KCNQ1OT1: variants seen among roughly 807,000 people sequenced by gnomAD.
KCNQ1OT1 encodes the protein KCNQ1 opposite strand/antisense transcript 1.
At chr11:2,656,235 G>C in exon 1 of KCNQ1OT1, 1 of 398,598 alleles carries the variant, frequency 2.5e-6, no homozygotes, top group East Asian at 3.6e-5. Context: ...TCTGTCACTT[G>C]ACAACTGCAT....
rs564822980 is a variant in KCNQ1OT1 at position 2,663,054 on chromosome 11, G to C, written n.36941C>G. 1.3e-3 allele frequency: 500 copies of C among 398,764 alleles called. 1 individual carries two copies. Among genetic ancestry groups the C allele is most frequent in the Non-Finnish European group, 1.9e-3 (433 of 226,166 alleles). 24.7% of individuals were successfully genotyped at this position (398,764 alleles called of 1,614,324 possible). A position where few individuals can be genotyped will look rare whatever the true frequency, so the allele number is the denominator to read the frequency against. On this transcript the variant is annotated non_coding_transcript_exon_variant, in exon 1 of 1. Coordinates refer to ENST00000597346, the Ensembl canonical transcript of KCNQ1OT1. This position sits in a 1 kb window ranked among gnomAD's most constrained non-coding sequence, Gnocchi z 5.2. ...GCTGGGGGCTGCAGGTGTAACCAGAGAACTGGCAGGGTTGGGTAGCCAGAA... is the reference window on the plus strand; with the variant it reads ...GCTGGGGGCTGCAGGTGTAACCAGACAACTGGCAGGGTTGGGTAGCCAGAA...
Position 2,658,694 on chromosome 11 carries a change from G to A in KCNQ1OT1, n.41301C>T, listed in dbSNP as rs1293955015. On this transcript the variant is annotated non_coding_transcript_exon_variant, in exon 1 of 1. Transcript: ENST00000597346. The surrounding 1 kb of genome is among the most constrained non-coding windows in gnomAD (Gnocchi z 4.9). ...CAGTGGACAGAGCTAGGAAATATAT[G>A]TATGTATGTAACCTGAGTACACATA... 2 of 398,328 alleles carry A rather than the reference G, an allele frequency of 5.0e-6. No homozygotes were observed. Among genetic ancestry groups the A allele is most frequent in the Non-Finnish European group, 4.4e-6 (1 of 226,030 alleles). The allele number at this position is 398,328 out of a possible 1,614,324, so 24.7% of individuals were successfully genotyped here.
In KCNQ1OT1 at chr11:2,652,970, T is replaced by C. The variant is rs1849780311; in HGVS notation, n.47025A>G. 2.5e-6 allele frequency: 1 copy of C among 398,550 alleles called. No homozygotes were observed. The highest frequency in any genetic ancestry group is 4.4e-6 in the Non-Finnish European group (1 of 226,088). 24.7% of individuals were successfully genotyped at this position (398,550 alleles called of 1,614,324 possible). A position where few individuals can be genotyped will look rare whatever the true frequency, so the allele number is the denominator to read the frequency against. On this transcript the variant is annotated non_coding_transcript_exon_variant, in exon 1 of 1. Transcript: ENST00000597346. The surrounding 1 kb of genome is among the most constrained non-coding windows in gnomAD (Gnocchi z 5.9). ...GGACTTCTCAGGATTCCGGAAGTCATCTTTGACTGTGTCACATCACTGTCA... is the reference window on the plus strand; with the variant it reads ...GGACTTCTCAGGATTCCGGAAGTCACCTTTGACTGTGTCACATCACTGTCA...
chr11:2,628,580 G>A (rs11023540), exon 1 of KCNQ1OT1: 283,668 of 398,172 alleles, frequency 0.71, 102,360 homozygotes, highest in East Asian at 0.86. Flanking sequence ...ATTTTCTCCC[G>A]CTACATGTGC....
exon 1 of KCNQ1OT1, chr11:2,684,569 C>T: frequency 2.5e-6 from 1 of 398,676 alleles, no homozygotes; most frequent in Non-Finnish European, 4.4e-6. Flanking sequence ...CCATAAATGA[C>T]TTTCTGGCAG....
At position 2,661,953 on chromosome 11, in the gene KCNQ1OT1, C is replaced by T. The variant is rs371488379; in HGVS notation, n.38042G>A. 1.4e-4 allele frequency: 229 copies of T among 1,614,202 alleles called. 1 individual carries two copies. Among genetic ancestry groups the T allele is most frequent in the Middle Eastern group, 1.3e-3 (8 of 6,062 alleles). On this transcript the variant is annotated non_coding_transcript_exon_variant, in exon 1 of 1. Transcript: ENST00000597346. The surrounding 1 kb of genome is among the most constrained non-coding windows in gnomAD (Gnocchi z 5.9). ...GCCTAACGTGCTGTCCCCACACTTT[C>T]TCCTCAGTAAGGAAGAGCCCAACAC...
exon 1 of KCNQ1OT1, chr11:2,666,556 C>T: frequency 7.5e-6 from 3 of 398,692 alleles, no homozygotes; most frequent in Admixed American, 8.8e-5. Flanking sequence ...CTCCTGAATT[C>T]TGCATTTGTC....
exon 1 of KCNQ1OT1, chr11:2,629,087 T>C: frequency 2.5e-6 from 1 of 398,186 alleles, no homozygotes; most frequent in Non-Finnish European, 4.4e-6. Flanking sequence ...TTTTGTAGTT[T>C]CTTTCAAATT....
Position 2,626,573 on chromosome 11 carries a change from C to T in KCNQ1OT1, n.73422G>A, listed in dbSNP as rs943402432. 5 of 398,520 alleles carry T rather than the reference C, an allele frequency of 1.3e-5. No homozygotes were observed. The highest frequency in any genetic ancestry group is 2.5e-4 in the South Asian group (2 of 7,848). 24.7% of individuals were successfully genotyped at this position (398,520 alleles called of 1,614,324 possible). Reference sequence around the variant, plus strand: ...TCAGACATTCTTACTCTGTTGCCCACGCTGGAGTACAGTGGCATTATCACT... The same window carrying T: ...TCAGACATTCTTACTCTGTTGCCCATGCTGGAGTACAGTGGCATTATCACT... On this transcript the variant is annotated non_coding_transcript_exon_variant, in exon 1 of 1. Transcript: ENST00000597346. This position sits in a 1 kb window ranked among gnomAD's most constrained non-coding sequence, Gnocchi z 4.0.
chr11:2,662,649 T>G (rs1011488443), exon 1 of KCNQ1OT1: 2 of 407,906 alleles, frequency 4.9e-6, no homozygotes, highest in Non-Finnish European at 8.7e-6. Flanking sequence ...ACGGTGTGAT[T>G]CCCCTGCGAC....
exon 1 of KCNQ1OT1, chr11:2,697,481 A>G (rs1300131468): frequency 5.0e-6 from 2 of 398,492 alleles, no homozygotes; most frequent in East Asian, 7.1e-5. Context: ...AAGTTTACTG[A>G]AAAGTTAAGT....
chr11:2,695,916 T>C lies in KCNQ1OT1; in HGVS notation n.4079A>G. On this transcript the variant is annotated non_coding_transcript_exon_variant, in exon 1 of 1. Coordinates refer to ENST00000597346, the Ensembl canonical transcript of KCNQ1OT1. This position sits in a 1 kb window ranked among gnomAD's most constrained non-coding sequence, Gnocchi z 5.2. ...TTCCTACCTTTTTCTTAATGATTTGTGGTGCTTTCTGGTATATTTTAGCTG... is the reference window on the plus strand; with the variant it reads ...TTCCTACCTTTTTCTTAATGATTTGCGGTGCTTTCTGGTATATTTTAGCTG... 1 of 398,672 alleles carries C rather than the reference T, an allele frequency of 2.5e-6. No individual in the cohort carries two copies. The highest frequency in any genetic ancestry group is 4.4e-6 in the Non-Finnish European group (1 of 226,068). The allele number at this position is 398,672 out of a possible 1,614,324, so 24.7% of individuals were successfully genotyped here.
chr11:2,673,684 T>C lies in KCNQ1OT1; in HGVS notation n.26311A>G. 1 of 398,624 alleles carries C rather than the reference T, an allele frequency of 2.5e-6. No individual in the cohort carries two copies. The highest frequency in any genetic ancestry group is 1.3e-4 in the South Asian group (1 of 7,856). 24.7% of individuals were successfully genotyped at this position (398,624 alleles called of 1,614,324 possible). On this transcript the variant is annotated non_coding_transcript_exon_variant, in exon 1 of 1. Transcript: ENST00000597346. The surrounding 1 kb of genome is among the most constrained non-coding windows in gnomAD (Gnocchi z 4.5). ...GTCTGCATAGGTGTTTTCCTATAAATGTTTAATTCCTGAGGTTGCTGAATC... is the reference window on the plus strand; with the variant it reads ...GTCTGCATAGGTGTTTTCCTATAAACGTTTAATTCCTGAGGTTGCTGAATC...
chr11:2,618,721 T>A (rs1241084660), exon 1 of KCNQ1OT1: 6 of 398,512 alleles, frequency 1.5e-5, no homozygotes, highest in South Asian at 2.5e-4. Context: ...TTTAAAAAAA[T>A]TTTCCATGGG....
chr11:2,688,595 C>T, exon 1 of KCNQ1OT1: 1 of 398,742 alleles, frequency 2.5e-6, no homozygotes. Context: ...CTCACTGAGG[C>T]CAGGCACTCA....
exon 1 of KCNQ1OT1, chr11:2,660,731 A>G: frequency 2.5e-6 from 1 of 398,630 alleles, no homozygotes; most frequent in Non-Finnish European, 4.4e-6. Context: ...TCAACACTTC[A>G]TTCAGGCATG....
exon 1 of KCNQ1OT1, chr11:2,672,750 G>A (rs1850209182): frequency 5.0e-6 from 2 of 398,632 alleles, no homozygotes; most frequent in South Asian, 2.5e-4. Flanking sequence ...CTTTTTTGCT[G>A]GTCCAGCATG....
At chr11:2,618,746 T>A (rs1279401480) in exon 1 of KCNQ1OT1, 1 of 398,432 alleles carries the variant, frequency 2.5e-6, no homozygotes, top group Non-Finnish European at 4.4e-6. Context: ...TGATAGGGAT[T>A]TTATTCAATC....
chr11:2,623,864 TC>T lies in KCNQ1OT1; in HGVS notation n.76130del, dbSNP rs1235394618. The T allele has an allele frequency of 7.5e-6, 3 of 398,618 alleles. No homozygotes were observed. Among genetic ancestry groups the T allele is most frequent in the African/African-American group, 6.2e-5 (3 of 48,750 alleles). 24.7% of individuals were successfully genotyped at this position (398,618 alleles called of 1,614,324 possible). ...CCACTGATTTCGATATACTCTGGATTCTTCGGGGGATATGTATACACATTCA... is the reference window on the plus strand; with the variant it reads ...CCACTGATTTCGATATACTCTGGATTTTCGGGGGATATGTATACACATTCA... On this transcript the variant is annotated non_coding_transcript_exon_variant, in exon 1 of 1. Transcript: ENST00000597346. This position sits in a 1 kb window ranked among gnomAD's most constrained non-coding sequence, Gnocchi z 5.2.
Sources: allele counts gnomAD v4.1 joint callset, GRCh38; gene constraint gnomAD v4.1.1; non-coding constraint Gnocchi (gnomAD v3.1); transcripts MANE v1.5; gene names NCBI Gene and HGNC (gene_info 2026-07-23, HGNC 2026-07-21).